SLC25A28: variants seen among roughly 807,000 people sequenced by gnomAD.
SLC25A28 encodes mitoferrin-2.
SLC25A28 carries 10 observed loss-of-function variants against 31.9 expected under a neutral mutation model. The observed-to-expected ratio is 0.31, with a 90% CI of 0.19 to 0.53. The LOEUF (loss-of-function observed/expected upper bound fraction) is 0.53. Ranked by LOEUF, SLC25A28 falls within the 20% of genes least tolerant of loss-of-function variation. The pLI is 0.95. For missense variants in SLC25A28, 256 were observed against 490.3 expected, an observed-to-expected ratio of 0.52 and a Z score of 4.51; for synonymous variants, 208 against 203.6, an observed-to-expected ratio of 1.02 and a Z score of -0.19.
chr10:99,621,956 G>A (rs10883385), upstream of SLC25A28: 63,120 of 151,768 alleles, frequency 0.42, 13,294 homozygotes, highest in East Asian at 0.54. Flanking sequence ...TCAAAATTTT[G>A]CATATCATTT....
the SLC25A28 span, among the ~76,000 whole-genome samples, chr10:99,649,953 G>A: frequency 4.6e-5 from 7 of 151,780 alleles, no homozygotes; most frequent in East Asian, 1.9e-4. Flanking sequence ...TGATCTAATC[G>A]TCATTATATC....
At chr10:99,650,163 A>T in the SLC25A28 span, among the ~76,000 whole-genome samples, 48 of 152,196 alleles carry the variant, frequency 3.2e-4, no homozygotes, top group Non-Finnish European at 4.4e-4. Flanking sequence ...AAAATTTTTT[A>T]AAATTTCCAT....
chr10:99,628,596 G>A, the SLC25A28 span, among the ~76,000 whole-genome samples: 1 of 152,214 alleles, frequency 6.6e-6, no homozygotes, highest in Non-Finnish European at 1.5e-5. Context: ...AGGCTAAGGT[G>A]GGTGGATCAC....
the SLC25A28 span, among the ~76,000 whole-genome samples, chr10:99,633,410 G>A: frequency 2.0e-5 from 3 of 152,158 alleles, no homozygotes; most frequent in African/African-American, 7.2e-5. Flanking sequence ...TAAAAGCCTA[G>A]GCAGGCCAGG....
At chr10:99,631,878 A>ATTTTTTTTTTTTTTTTTTTTTT in the SLC25A28 span, among the ~76,000 whole-genome samples, 7 of 92,904 alleles carry the variant, frequency 7.5e-5, 3 homozygotes, top group African/African-American at 8.2e-5. Flanking sequence ...TCAGTATGTT[A>ATTTTTTTTTTTTTTTTTTTTTT]TTTTTTTTTT....
upstream of SLC25A28, chr10:99,622,778 C>G (rs2034820105): frequency 1.2e-6 from 1 of 858,352 alleles, no homozygotes; most frequent in African/African-American, 1.8e-5. Context: ...TTTGCCATTC[C>G]AAACCAGTTG....
At chr10:99,641,049 A>G in the SLC25A28 span, among the ~76,000 whole-genome samples, 1 of 152,234 alleles carries the variant, frequency 6.6e-6, no homozygotes, top group African/African-American at 2.4e-5. Flanking sequence ...TCTTTATAGC[A>G]GCATGATTTA....
chr10:99,633,635 C>G, the SLC25A28 span, among the ~76,000 whole-genome samples: 1 of 148,594 alleles, frequency 6.7e-6, no homozygotes, highest in African/African-American at 2.5e-5. Flanking sequence ...TGCCATTGCA[C>G]TCCAGCCTGG....
chr10:99,617,924 T>C (rs2034696484), intron 1 of SLC25A28: 3 of 440,118 alleles, frequency 6.8e-6, no homozygotes, highest in Non-Finnish European at 9.0e-6. Context: ...CCAGCAAAGC[T>C]GTGGTTATGC....
At chr10:99,652,617 G>A in the SLC25A28 span, among the ~76,000 whole-genome samples, 1 of 152,026 alleles carries the variant, frequency 6.6e-6, no homozygotes, top group African/African-American at 2.4e-5. Flanking sequence ...CACATGAGGA[G>A]GGTGTCCACA....
the SLC25A28 span, among the ~76,000 whole-genome samples, chr10:99,630,412 G>T: frequency 6.6e-6 from 1 of 152,088 alleles, no homozygotes; most frequent in Non-Finnish European, 1.5e-5. Flanking sequence ...GGGATTACAG[G>T]CATGAGCCAC....
Position 99,613,871 on chromosome 10 carries a change from C to T in SLC25A28, c.345G>A (p.Leu115=). ...TTCTTATAATCCTCCAGAGGGCCTC[C>T]AACACATTGCGATAGCGGGCAGCTG... The part of the protein sequence containing the change: ...PDPAARYRNV[L]EALWRIIRTE... The change falls in exon 2 of 4, where the codon TTG becomes TTA. Residue 115 remains leucine, a synonymous_variant. Coordinates refer to ENST00000370495, the MANE Select transcript of SLC25A28 (RefSeq NM_031212.4). The surrounding 1 kb of genome is among the most constrained non-coding windows in gnomAD (Gnocchi z 4.9). 5 of 1,613,940 alleles carry T rather than the reference C, an allele frequency of 3.1e-6. No homozygotes were observed. Among genetic ancestry groups the T allele is most frequent in the Non-Finnish European group, 4.2e-6 (5 of 1,179,912 alleles).
the SLC25A28 span, among the ~76,000 whole-genome samples, chr10:99,655,185 G>A: frequency 6.6e-6 from 1 of 152,042 alleles, no homozygotes; most frequent in African/African-American, 2.4e-5. Flanking sequence ...GTATGGCGGT[G>A]TGCGCCTGTA....
upstream of SLC25A28, among the ~76,000 whole-genome samples, chr10:99,623,944 C>G (rs2034835789): frequency 6.6e-6 from 1 of 152,220 alleles, no homozygotes; most frequent in Admixed American, 6.5e-5. Flanking sequence ...CCCAGTACTT[C>G]TGTGATGATA....
chr10:99,612,720 T>A, intron 2 of SLC25A28, 121 bp from the exon 3 acceptor site: 1 of 1,129,166 alleles, frequency 8.9e-7, no homozygotes, highest in Non-Finnish European at 1.3e-6. Context: ...CGTTAAGAGC[T>A]AGTCCAAAAG....
At chr10:99,639,663 C>T in the SLC25A28 span, among the ~76,000 whole-genome samples, 6 of 150,646 alleles carry the variant, frequency 4.0e-5, no homozygotes, top group South Asian at 2.1e-4. Context: ...CCCCCTACTC[C>T]GCCCCAGGCT....
In SLC25A28 at chr10:99,613,453, A is replaced by G; in HGVS notation, c.520+243T>C. ...AGTTGATGCCAGGGAGATGAGAGGA[A>G]CAAGTCAAGCTGGTAGGTAAGGGAG... On this transcript the variant is annotated intron_variant, in intron 2 of 3. Coordinates refer to ENST00000370495, the MANE Select transcript of SLC25A28 (RefSeq NM_031212.4). The surrounding 1 kb of genome is among the most constrained non-coding windows in gnomAD (Gnocchi z 4.9). 7.2e-7 allele frequency: 1 copy of G among 1,382,544 alleles called. No homozygotes were observed. The highest frequency in any genetic ancestry group is 9.4e-7 in the Non-Finnish European group (1 of 1,067,318). 85.6% of individuals were successfully genotyped at this position (1,382,544 alleles called of 1,614,324 possible).
intron 1 of SLC25A28, chr10:99,619,054 C>T (rs2034724613): frequency 4.1e-6 from 4 of 985,416 alleles, no homozygotes; most frequent in Non-Finnish European, 3.6e-6. Context: ...ATGGCTGGCA[C>T]CTTTACTAAT....
chr10:99,624,203 GTTTC>G (rs373223816), upstream of SLC25A28, among the ~76,000 whole-genome samples: 515 of 98,306 alleles, frequency 5.2e-3, 2 homozygotes, highest in African/African-American at 0.018. Flanking sequence ...TTCTTTCTTT[GTTTC>G]TTTCTTTCTT....
Sources: gnomAD v4.1 joint callset for allele counts (sites outside exome capture counted in the v4.1 genomes callset) on GRCh38, gnomAD v4.1.1 for gene constraint, Gnocchi (gnomAD v3.1) non-coding constraint, MANE v1.5 for transcripts, NCBI Gene and HGNC (gene_info 2026-07-23, HGNC 2026-07-21) for gene names.